DIAPH3: variants seen among roughly 807,000 people sequenced by gnomAD.
DIAPH3 encodes protein diaphanous homolog 3.
DIAPH3 carries 117 observed loss-of-function variants against 144.3 expected under a neutral mutation model. The observed-to-expected ratio is 0.81, with a 90% CI of 0.70 to 0.95. DIAPH3 has a LOEUF of 0.95. DIAPH3 is among the 40% of genes least tolerant of loss of function. DIAPH3 has a pLI of 0.00. For missense variants in DIAPH3, 1,421 were observed against 1,412.7 expected (o/e 1.01, Z -0.09); for synonymous variants, 519 against 488.9 (o/e 1.06, Z -0.81).
chr13:59,905,191 A>G lies in DIAPH3; in HGVS notation c.2367+6544T>C, dbSNP rs182443984. On this transcript the variant is annotated intron_variant, in intron 20 of 27. Transcript: ENST00000400324. ...CCCCGTCTCTACTAAAAACACAAAA[A>G]AATTAGCCGGGCGTGGTGGCGGGCG... Among the ~76,000 whole-genome samples the G allele has an allele frequency of 3.9e-3, 595 of 151,802 alleles. 5 individuals carry two copies. The highest frequency in any genetic ancestry group is 0.014 in the African/African-American group (578 of 41,398).
chr13:59,806,186 T>C (rs1347587328), intron 25 of DIAPH3, among the ~76,000 whole-genome samples: 1 of 152,050 alleles, frequency 6.6e-6, no homozygotes, highest in Non-Finnish European at 1.5e-5. Context: ...AAAAAGTTCC[T>C]GGCCCAGTGA....
intron 27 of DIAPH3, among the ~76,000 whole-genome samples, chr13:59,747,308 G>A (rs141431183): frequency 6.6e-6 from 1 of 152,142 alleles, no homozygotes; most frequent in African/African-American, 2.4e-5. Context: ...AATCAAGAGG[G>A]AATGAATCTT....
intron 7 of DIAPH3, chr13:60,012,790 G>A (rs2053365780): frequency 6.2e-6 from 1 of 161,710 alleles, no homozygotes; most frequent in Admixed American, 6.5e-5. Context: ...TGTATGAAAG[G>A]TGAAATAGGA....
At position 59,983,854 on chromosome 13, in the gene DIAPH3, T is replaced by C. The variant is rs2051195476; in HGVS notation, c.1395A>G (p.Val465=). ...CATCTCTATGCAATACAATCTGGGA[T>C]ACACACTCATCAATTAATTTGAAGT... is the stretch of plus-strand genomic sequence containing the variant. The part of the protein sequence containing the change: ...QQYFKLIDEC[V]SQIVLHRDGM... Residue 465 remains valine (V), a synonymous_variant, in exon 13 of 28, where the codon GTA becomes GTG. Transcript: ENST00000400324. The C allele has an allele frequency of 6.2e-7, 1 of 1,609,022 alleles. No individual in the cohort carries two copies. Among genetic ancestry groups the C allele is most frequent in the African/African-American group, 1.3e-5 (1 of 74,642 alleles).
At chr13:59,822,422 A>G (rs1445635337) in intron 24 of DIAPH3, among the ~76,000 whole-genome samples, 1 of 151,964 alleles carries the variant, frequency 6.6e-6, no homozygotes, top group Non-Finnish European at 1.5e-5. Context: ...GTCTCATATG[A>G]ACCTAATTTA....
At chr13:59,904,522 A>G (rs2046625656) in intron 20 of DIAPH3, among the ~76,000 whole-genome samples, 1 of 152,176 alleles carries the variant, frequency 6.6e-6, no homozygotes, top group Non-Finnish European at 1.5e-5. Context: ...TCAGTGAAAC[A>G]TATTTAGGGG....
chr13:60,025,404 CAA>C (rs370177105), intron 5 of DIAPH3, among the ~76,000 whole-genome samples: 8 of 68,080 alleles, frequency 1.2e-4, no homozygotes, highest in Admixed American at 3.8e-4. Flanking sequence ...TTGTGCTTAG[CAA>C]AAAAAAAAAA....
chr13:60,078,222 ATAT>A (rs1324733107), intron 4 of DIAPH3, among the ~76,000 whole-genome samples: 1 of 152,162 alleles, frequency 6.6e-6, no homozygotes, highest in Non-Finnish European at 1.5e-5. Flanking sequence ...GAACCAAAGC[ATAT>A]TATATCTCAC....
chr13:60,025,672 TCAA>T (rs1425760284), intron 5 of DIAPH3, among the ~76,000 whole-genome samples: 1 of 151,970 alleles, frequency 6.6e-6, no homozygotes, highest in African/African-American at 2.4e-5. Context: ...AGAAATGAAT[TCAA>T]CAACAATTTA....
At chr13:59,907,047 G>A (rs2046778516) in intron 20 of DIAPH3, among the ~76,000 whole-genome samples, 2 of 152,238 alleles carry the variant, frequency 1.3e-5, no homozygotes. Context: ...ACGAGAAGGT[G>A]TTGGGGATAA....
At chr13:59,846,434 C>T (rs188048534) in intron 22 of DIAPH3, among the ~76,000 whole-genome samples, 24 of 152,272 alleles carry the variant, frequency 1.6e-4, no homozygotes, top group Admixed American at 1.2e-3. Flanking sequence ...CCTTCCTACA[C>T]TCATAGAATC....
At chr13:59,708,405 C>CCTACCA (rs1365438332) in intron 27 of DIAPH3, among the ~76,000 whole-genome samples, 1 of 152,094 alleles carries the variant, frequency 6.6e-6, no homozygotes, top group Non-Finnish European at 1.5e-5. Context: ...GATATTTGTC[C>CCTACCA]CTACCACTGC....
At chr13:60,028,466 T>C (rs895355996) in intron 5 of DIAPH3, among the ~76,000 whole-genome samples, 2 of 152,148 alleles carry the variant, frequency 1.3e-5, no homozygotes, top group Admixed American at 1.3e-4. Context: ...AAACCAGCAT[T>C]TGGGGTTCTC....
At position 60,100,255 on chromosome 13, in the gene DIAPH3, T is replaced by A. The variant is rs923207376; in HGVS notation, c.391-6523A>T. Among the ~76,000 whole-genome samples the A allele has an allele frequency of 2.0e-5, 3 of 152,046 alleles. No homozygotes were observed. In the East Asian group the frequency reaches 5.8e-4, roughly 29 times the overall value. On this transcript the variant is annotated intron_variant, in intron 3 of 27. Transcript: ENST00000400324. ...TTTCAAACCTCCAGCTATGATATAA[T>A]GAGAAGGCTGATCACCTCTGTGGTA... is the stretch of plus-strand genomic sequence containing the variant.
rs35687460 is a variant in DIAPH3 at position 60,162,809 on chromosome 13, T to TCACACACA, written c.180+770_180+777dup. Among the ~76,000 whole-genome samples the TCACACACA allele has an allele frequency of 2.4e-3, 291 of 122,512 alleles. 5 individuals carry two copies. The East Asian group carries it at 0.035, about 15-fold the overall frequency. 80.4% of individuals were successfully genotyped at this position (122,512 alleles called of 152,430 possible). ...CTCTCTCTCTCTCTCTCTCTCTCTCTCACACACACACACACACACACACAC... is the reference window on the plus strand; with the variant it reads ...CTCTCTCTCTCTCTCTCTCTCTCTCTCACACACACACACACACACACACACACACACAC... On this transcript the variant is annotated intron_variant, in intron 1 of 27. Transcript: ENST00000400324.
intron 5 of DIAPH3, among the ~76,000 whole-genome samples, chr13:60,016,563 G>A (rs181889238): frequency 1.9e-3 from 285 of 152,178 alleles, no homozygotes; most frequent in African/African-American, 6.6e-3. Flanking sequence ...CTATGCCAAA[G>A]AAGACAAATT....
intron 4 of DIAPH3, among the ~76,000 whole-genome samples, chr13:60,065,460 G>A (rs1163953188): frequency 6.6e-6 from 1 of 152,060 alleles, no homozygotes; most frequent in African/African-American, 2.4e-5. Context: ...TTAGGGTAGG[G>A]ACATGATCAA....
intron 4 of DIAPH3, among the ~76,000 whole-genome samples, chr13:60,062,788 G>A (rs1002422323): frequency 6.6e-6 from 1 of 152,196 alleles, no homozygotes; most frequent in Non-Finnish European, 1.5e-5. Context: ...TATCAAGTGA[G>A]CAACAGCATT....
intron 25 of DIAPH3, among the ~76,000 whole-genome samples, chr13:59,799,690 T>C (rs1465539118): frequency 6.6e-6 from 1 of 152,218 alleles, no homozygotes; most frequent in East Asian, 1.9e-4. Flanking sequence ...CAAATGTGAA[T>C]TCCATAAATA....
Sources: allele counts gnomAD v4.1 joint callset (sites outside exome capture counted in the v4.1 genomes callset), GRCh38; gene constraint gnomAD v4.1.1; transcripts MANE v1.5; gene names NCBI Gene and HGNC (gene_info 2026-07-23, HGNC 2026-07-21).